The following BLTP3A variants were observed in gnomAD, a reference collection of about 807,000 sequenced individuals.
BLTP3A encodes ICBP90 binding protein 1.
the BLTP3A span, among the ~76,000 whole-genome samples, chr6:34,827,237 G>C: frequency 6.6e-6 from 1 of 152,026 alleles, no homozygotes; most frequent in Non-Finnish European, 1.5e-5. Context: ...CTTGAACCCG[G>C]GAGGCAGAGG....
the BLTP3A span, among the ~76,000 whole-genome samples, chr6:34,795,542 C>T: frequency 1.3e-4 from 20 of 150,556 alleles, no homozygotes; most frequent in African/African-American, 4.1e-4. Context: ...GGACTACAGG[C>T]GCGTGCCACC....
At chr6:34,848,710 T>G in the BLTP3A span, among the ~76,000 whole-genome samples, 2 of 152,164 alleles carry the variant, frequency 1.3e-5, no homozygotes, top group Non-Finnish European at 2.9e-5. Flanking sequence ...TGTGTCTTTG[T>G]AGGTGAAGTG....
chr6:34,840,981 G>A, the BLTP3A span, among the ~76,000 whole-genome samples: 5 of 151,914 alleles, frequency 3.3e-5, no homozygotes, highest in Admixed American at 6.6e-5. Context: ...TAATTATATT[G>A]TTGTTGTCGT....
the BLTP3A span, among the ~76,000 whole-genome samples, chr6:34,835,085 A>G: frequency 2.0e-5 from 3 of 152,096 alleles, no homozygotes; most frequent in South Asian, 6.2e-4. Flanking sequence ...ATGTAGGGAC[A>G]CTGACATAGG....
the BLTP3A span, chr6:34,823,417 A>G: frequency 7.2e-7 from 1 of 1,383,030 alleles, no homozygotes; most frequent in Non-Finnish European, 1.0e-6. Flanking sequence ...GTTAAAAAAT[A>G]AAAACTTTTT....
the BLTP3A span, among the ~76,000 whole-genome samples, chr6:34,848,038 G>A: frequency 6.9e-6 from 1 of 144,624 alleles, no homozygotes; most frequent in Non-Finnish European, 1.5e-5. Context: ...TCCAACCTCA[G>A]CCTCCCAAGT....
At chr6:34,798,423 G>T in the BLTP3A span, among the ~76,000 whole-genome samples, 1 of 152,100 alleles carries the variant, frequency 6.6e-6, no homozygotes, top group Non-Finnish European at 1.5e-5. Flanking sequence ...TTTTTAGATT[G>T]TAGAATATGT....
the BLTP3A span, among the ~76,000 whole-genome samples, chr6:34,851,730 C>T: frequency 1.3e-5 from 2 of 152,116 alleles, no homozygotes; most frequent in South Asian, 2.1e-4. Flanking sequence ...TAGCTCAGGG[C>T]GGGATCCAAG....
the BLTP3A span, among the ~76,000 whole-genome samples, chr6:34,810,425 T>G: frequency 6.6e-6 from 1 of 152,256 alleles, no homozygotes; most frequent in African/African-American, 2.4e-5. Context: ...CAGTATTAGA[T>G]AGCTACAACA....
At chr6:34,824,790 C>T in the BLTP3A span, among the ~76,000 whole-genome samples, 2 of 151,776 alleles carry the variant, frequency 1.3e-5, no homozygotes, top group East Asian at 1.9e-4. Context: ...TGTGCCTCGG[C>T]CTCCTGAGTA....
chr6:34,792,640 C>T, the BLTP3A span, among the ~76,000 whole-genome samples: 1 of 152,204 alleles, frequency 6.6e-6, no homozygotes, highest in Non-Finnish European at 1.5e-5. Flanking sequence ...ACCCCGTGCT[C>T]CCTTGACCGT....
the BLTP3A span, among the ~76,000 whole-genome samples, chr6:34,815,338 C>CT: frequency 2.0e-5 from 3 of 152,062 alleles, no homozygotes; most frequent in Admixed American, 2.0e-4. Flanking sequence ...CAACCTCTGC[C>CT]TTCCGGGTTC....
At chr6:34,816,808 G>A in the BLTP3A span, among the ~76,000 whole-genome samples, 2 of 152,066 alleles carry the variant, frequency 1.3e-5, no homozygotes, top group Non-Finnish European at 2.9e-5. Context: ...TTGGACAGGA[G>A]GAGACATGTA....
the BLTP3A span, among the ~76,000 whole-genome samples, chr6:34,814,012 T>C: frequency 6.6e-6 from 1 of 150,942 alleles, no homozygotes; most frequent in Non-Finnish European, 1.5e-5. Context: ...CTTTTATTTT[T>C]ATTTTTATTA....
the BLTP3A span, chr6:34,863,969 A>G: frequency 6.4e-7 from 1 of 1,551,958 alleles, no homozygotes; most frequent in Non-Finnish European, 8.7e-7. Flanking sequence ...CTCCAAAGCC[A>G]CATTTGTGGT....
chr6:34,867,190 G>T, the BLTP3A span: 1 of 1,572,788 alleles, frequency 6.4e-7, no homozygotes, highest in Non-Finnish European at 8.6e-7. Context: ...AGAATATTTT[G>T]ACTTTTAAAT....
At chr6:34,872,620 A>G in the BLTP3A span, 1 of 666,278 alleles carries the variant, frequency 1.5e-6, no homozygotes, top group Non-Finnish European at 2.3e-6. Context: ...ACTGAGGACA[A>G]GGGCAAAGCA....
chr6:34,812,324 G>A, the BLTP3A span, among the ~76,000 whole-genome samples: 28 of 114,840 alleles, frequency 2.4e-4, no homozygotes, highest in East Asian at 1.0e-3. Context: ...GCGAAACTCC[G>A]TCTTAAAAAA....
chr6:34,824,483 G>A, the BLTP3A span, among the ~76,000 whole-genome samples: 3 of 149,998 alleles, frequency 2.0e-5, no homozygotes, highest in South Asian at 2.1e-4. Flanking sequence ...GCTTGAACCC[G>A]GAAGGTGGAG....
Sources: gnomAD v4.1 joint callset for allele counts (sites outside exome capture counted in the v4.1 genomes callset) on GRCh38, gnomAD v4.1.1 for gene constraint, MANE v1.5 for transcripts, NCBI Gene and HGNC (gene_info 2026-07-23, HGNC 2026-07-21) for gene names.